Variants in PCSK6 observed in about 807,000 individuals in gnomAD.
The protein encoded by PCSK6 is paired basic amino acid cleaving enzyme 4.
PCSK6 carries 85 observed loss-of-function variants against 123.3 expected under a neutral mutation model. That is an observed-to-expected ratio of 0.69 (90% CI 0.58 to 0.83). PCSK6 has a LOEUF of 0.83. PCSK6 is among the 40% of genes least tolerant of loss of function. The probability of loss-of-function intolerance (pLI) is 0.00; values close to 1 mark genes in which losing one functional copy is unlikely to be tolerated. For missense variants in PCSK6, 1,191 were observed against 1,282.3 expected, an observed-to-expected ratio of 0.93 and a Z score of 1.09; for synonymous variants, 508 against 516.0, an observed-to-expected ratio of 0.98 and a Z score of 0.21.
At chr15:101,370,807 G>C (rs1166957384) in intron 11 of PCSK6, among the ~76,000 whole-genome samples, 1 of 152,264 alleles carries the variant, frequency 6.6e-6, no homozygotes, top group African/African-American at 2.4e-5. Flanking sequence ...TCTTTGGGAG[G>C]CCGAGGCACC....
intron 1 of PCSK6, among the ~76,000 whole-genome samples, chr15:101,473,956 A>C (rs1200487753): frequency 2.6e-5 from 4 of 152,242 alleles, no homozygotes; most frequent in Non-Finnish European, 5.9e-5. Context: ...TATCAAAGTC[A>C]TGATACATAA....
chr15:101,489,571 C>G lies in PCSK6; in HGVS notation c.100G>C (p.Gly34Arg), dbSNP rs922475453. ...AAGAGGAGGA[G>R]GAGGPGFRPL... Reference sequence around the variant, plus strand: ...CGGAACCCGGGCCCGCCGGCGCCCCCCGCGCCCCCCGCGCCCCCCGCGCCC... The same window carrying G: ...CGGAACCCGGGCCCGCCGGCGCCCCGCGCGCCCCCCGCGCCCCCCGCGCCC... Residue 34 changes from glycine (G) to arginine (R), a missense_variant, in exon 1 of 22, where the codon GGG becomes CGG. Physicochemically the swap from Gly to Arg is moderately radical, Grantham distance 125. Coordinates refer to ENST00000611716, the MANE Select transcript of PCSK6 (RefSeq NM_002570.5). 7 of 902,014 alleles carry G rather than the reference C, an allele frequency of 7.8e-6. No individual in the cohort carries two copies. In the African/African-American group the frequency reaches 1.3e-4, roughly 17 times the overall value. 55.9% of individuals were successfully genotyped at this position (902,014 alleles called of 1,614,324 possible).
chr15:101,483,222 G>A (rs992203787), intron 1 of PCSK6, among the ~76,000 whole-genome samples: 3 of 152,188 alleles, frequency 2.0e-5, no homozygotes, highest in African/African-American at 4.8e-5. Flanking sequence ...AACCCCTGAC[G>A]CTGTGGCTGG....
At chr15:101,428,027 C>T (rs1455472088) in intron 5 of PCSK6, 47 bp from the exon 6 acceptor site, 1 of 1,408,626 alleles carries the variant, frequency 7.1e-7, no homozygotes, top group Non-Finnish European at 9.8e-7. Flanking sequence ...CAGCAAGTTT[C>T]AGTGAATTCA....
chr15:101,340,970 G>C (rs2040590752), intron 13 of PCSK6, among the ~76,000 whole-genome samples: 1 of 143,602 alleles, frequency 7.0e-6, no homozygotes, highest in African/African-American at 2.6e-5. Context: ...TTTTGAGACA[G>C]AGTCACCCAG....
chr15:101,458,440 G>A (rs970781035), intron 1 of PCSK6, among the ~76,000 whole-genome samples: 6 of 151,956 alleles, frequency 3.9e-5, no homozygotes, highest in Admixed American at 2.0e-4. Flanking sequence ...CTGGACCCCC[G>A]GGCTGTACAC....
chr15:101,429,336 A>C (rs1438081155), intron 5 of PCSK6, among the ~76,000 whole-genome samples: 1 of 152,136 alleles, frequency 6.6e-6, no homozygotes, highest in Non-Finnish European at 1.5e-5. Context: ...TCCACTTGCA[A>C]AATGACAGTG....
chr15:101,436,327 G>A (rs1418130870), intron 2 of PCSK6, among the ~76,000 whole-genome samples: 1 of 152,214 alleles, frequency 6.6e-6, no homozygotes, highest in African/African-American at 2.4e-5. Context: ...AGGGAGTCAA[G>A]CTGCTGAGGT....
rs754204010 is a variant in PCSK6 at position 101,393,376 on chromosome 15, C to T, written c.1045G>A (p.Gly349Arg). ...CACGAGCAGTAGTCCCCCTCTCTCC[C>T]GCCATTCCCAGATGCCCAGACGAAA... is the stretch of plus-strand genomic sequence containing the variant. Reference protein sequence around the residue: ...SIFVWASGNGGREGDYCSCDG... With the variant: ...SIFVWASGNGRREGDYCSCDG... Residue 349 changes from glycine (G) to arginine (R), a missense_variant, in exon 8 of 22, where the codon GGG becomes AGG. By Grantham distance (125) the Gly-to-Arg change is moderately radical. Around this residue, in one of 3 missense-constraint regions of PCSK6, gnomAD observed 357 missense variants for 484.5 expected, o/e 0.74. Coordinates refer to ENST00000611716, the MANE Select transcript of PCSK6 (RefSeq NM_002570.5). 1.2e-5 allele frequency: 19 copies of T among 1,604,874 alleles called. No individual in the cohort carries two copies. Among genetic ancestry groups the T allele is most frequent in the African/African-American group, 1.1e-4 (8 of 74,416 alleles).
At chr15:101,397,892 T>C (rs1272685461) in intron 7 of PCSK6, among the ~76,000 whole-genome samples, 3 of 152,204 alleles carry the variant, frequency 2.0e-5, no homozygotes, top group African/African-American at 7.2e-5. Flanking sequence ...GAGGTTCCCC[T>C]GGAGAAGTTC....
chr15:101,431,892 A>G (rs2056458256), intron 3 of PCSK6, 98 bp downstream of exon 3: 1 of 833,990 alleles, frequency 1.2e-6, no homozygotes, highest in Admixed American at 2.0e-5. Flanking sequence ...CTGTCTGGAG[A>G]TGTTGTTTGA....
chr15:101,437,812 A>C (rs1199077717), intron 2 of PCSK6, among the ~76,000 whole-genome samples: 1 of 152,178 alleles, frequency 6.6e-6, no homozygotes, highest in Non-Finnish European at 1.5e-5. Context: ...CAGAAGAGGC[A>C]GCTGGAGCCC....
At chr15:101,449,361 G>A (rs192860940) in intron 1 of PCSK6, among the ~76,000 whole-genome samples, 2 of 152,160 alleles carry the variant, frequency 1.3e-5, no homozygotes, top group East Asian at 3.9e-4. Flanking sequence ...GGTTGAATGT[G>A]TAGATGTGGA....
intron 6 of PCSK6, among the ~76,000 whole-genome samples, chr15:101,399,540 C>A (rs1158733500): frequency 6.6e-6 from 1 of 152,196 alleles, no homozygotes; most frequent in African/African-American, 2.4e-5. Flanking sequence ...CCTGCCATCC[C>A]AGCCAGGGGC....
chr15:101,440,597 T>A (rs908034827), intron 2 of PCSK6, among the ~76,000 whole-genome samples: 3 of 152,242 alleles, frequency 2.0e-5, no homozygotes, highest in Admixed American at 1.3e-4. Context: ...CTAAGCCCCA[T>A]AACATTCATT....
chr15:101,467,338 T>C (rs1017143313), intron 1 of PCSK6, among the ~76,000 whole-genome samples: 7 of 151,628 alleles, frequency 4.6e-5, no homozygotes, highest in Admixed American at 3.3e-4. Context: ...AATGGCACGA[T>C]CACGGCTCAC....
intron 3 of PCSK6, 123 bp downstream of exon 3, chr15:101,431,867 C>A (rs368816636): frequency 1.3e-6 from 1 of 760,534 alleles, no homozygotes; most frequent in East Asian, 2.7e-5. Flanking sequence ...TTTACACCCT[C>A]AAGGTGAAGT....
intron 2 of PCSK6, 115 bp from the exon 3 acceptor site, chr15:101,432,215 AT>A (rs1456007423): frequency 6.0e-6 from 5 of 831,232 alleles, no homozygotes; most frequent in Admixed American, 4.3e-5. Context: ...CATAGCAGAT[AT>A]TTTAGATGGT....
At chr15:101,363,965 A>G (rs2041313893) in intron 13 of PCSK6, among the ~76,000 whole-genome samples, 1 of 152,286 alleles carries the variant, frequency 6.6e-6, no homozygotes, top group South Asian at 2.1e-4. Flanking sequence ...GTTATTTACT[A>G]TTTTAAAACC....
Sources: gnomAD v4.1 joint callset for allele counts (sites outside exome capture counted in the v4.1 genomes callset) on GRCh38, gnomAD v4.1.1 for gene constraint, gnomAD v4.1.1 regional missense constraint, MANE v1.5 for transcripts, NCBI Gene and HGNC (gene_info 2026-07-23, HGNC 2026-07-21) for gene names.